DRG1: variants seen among roughly 807,000 people sequenced by gnomAD.
The protein encoded by DRG1 is developmentally regulated GTP binding protein 1.
A neutral mutation model predicts 38.8 loss-of-function variants in DRG1; 19 were observed. The observed-to-expected ratio is 0.49, with a 90% CI of 0.34 to 0.72. The LOEUF (loss-of-function observed/expected upper bound fraction) is 0.72, where lower values mean the gene tolerates loss of function less well. Among genes scored for constraint, DRG1 ranks in the 30% least tolerant of loss-of-function variants. The probability of loss-of-function intolerance (pLI) is 0.01; values close to 1 mark genes in which losing one functional copy is unlikely to be tolerated. For synonymous variants in DRG1, 167 were observed against 157.5 expected, an observed-to-expected ratio of 1.06 and a Z score of -0.45; for missense variants, 299 against 444.8, an observed-to-expected ratio of 0.67 and a Z score of 2.95.
chr22:31,430,724 C>T (rs1473563671), intron 8 of DRG1, among the ~76,000 whole-genome samples: 2 of 151,790 alleles, frequency 1.3e-5, no homozygotes, highest in African/African-American at 4.8e-5. Context: ...TTAGCCTTCC[C>T]ACTTAGTATT....
In DRG1 at chr22:31,426,740, A is replaced by G; in HGVS notation, c.839A>G (p.Asp280Gly). Residue 280 changes from aspartate (D) to glycine (G), a missense_variant, in exon 7 of 9, where the codon GAC becomes GGC. By Grantham distance (94) the Asp-to-Gly change is moderately conservative. Around this residue, in one of 3 missense-constraint regions of DRG1, gnomAD observed 198 missense variants for 268.1 expected, o/e 0.74. Transcript: ENST00000331457. ...GCCCATCACCGCTGGAATTTTGATG[A>G]CCTATTGGAAAAGATCTGGGACTAT... is the stretch of plus-strand genomic sequence containing the variant. Reference protein sequence around the residue: ...ISAHHRWNFDDLLEKIWDYLK... With the variant: ...ISAHHRWNFDGLLEKIWDYLK... 6.2e-7 allele frequency: 1 copy of G among 1,614,160 alleles called. No homozygotes were observed. Among genetic ancestry groups the G allele is most frequent in the Non-Finnish European group, 8.5e-7 (1 of 1,180,040 alleles).
At chr22:31,399,837 C>G in intron 1 of DRG1, 112 bp downstream of exon 1, 1 of 1,508,838 alleles carries the variant, frequency 6.6e-7, no homozygotes, top group East Asian at 2.3e-5. Context: ...GATTCCGCGA[C>G]TTCTCTCAGC....
intron 6 of DRG1, 23 bp downstream of exon 6, chr22:31,423,433 G>C (rs1333533459): frequency 1.9e-6 from 3 of 1,612,336 alleles, no homozygotes; most frequent in East Asian, 4.5e-5. Context: ...TGTGCAGTCT[G>C]TGCCTGACTG....
chr22:31,402,599 C>G (rs914909444), intron 2 of DRG1, among the ~76,000 whole-genome samples: 1 of 148,532 alleles, frequency 6.7e-6, no homozygotes, highest in South Asian at 2.1e-4. Context: ...GCCTCAACCT[C>G]CTGGGCTCAA....
chr22:31,424,087 C>T (rs2050094064), intron 6 of DRG1, among the ~76,000 whole-genome samples: 1 of 151,852 alleles, frequency 6.6e-6, no homozygotes, highest in South Asian at 2.1e-4. Context: ...TGGTTTCGAA[C>T]TCCTGACCTC....
Position 31,411,041 on chromosome 22 carries a change from T to G in DRG1, c.372T>G (p.Gly124=), listed in dbSNP as rs1207073541. Residue 124 remains glycine (G), a synonymous_variant, in exon 4 of 9, where the codon GGT becomes GGG. Coordinates refer to ENST00000331457, the MANE Select transcript of DRG1 (RefSeq NM_004147.4). ...QLLDLPGIIE[G]AKDGKGRGRQ... ...TGGATCTCCCAGGTATCATTGAAGG[T>G]GCCAAGGATGGGAAAGGTAGAGGTC... 1.9e-6 allele frequency: 3 copies of G among 1,613,832 alleles called. No individual in the cohort carries two copies. The highest frequency in any genetic ancestry group is 2.5e-6 in the Non-Finnish European group (3 of 1,179,916).
intron 4 of DRG1, among the ~76,000 whole-genome samples, chr22:31,416,131 A>G (rs2050043331): frequency 6.6e-6 from 1 of 152,092 alleles, no homozygotes; most frequent in East Asian, 1.9e-4. Flanking sequence ...TAACACGGCA[A>G]AACCCGATCT....
chr22:31,407,314 G>T (rs2049994204), intron 3 of DRG1, among the ~76,000 whole-genome samples: 1 of 151,922 alleles, frequency 6.6e-6, no homozygotes, highest in African/African-American at 2.4e-5. Context: ...TGTGGGTCTT[G>T]TCTGTAACAG....
intron 8 of DRG1, among the ~76,000 whole-genome samples, chr22:31,430,822 G>C (rs543068281): frequency 1.3e-5 from 2 of 151,888 alleles, no homozygotes; most frequent in Non-Finnish European, 2.9e-5. Flanking sequence ...AGGCTCAAGC[G>C]ATCCTCCTAC....
At chr22:31,405,010 T>G (rs2049981635) in intron 3 of DRG1, among the ~76,000 whole-genome samples, 1 of 152,166 alleles carries the variant, frequency 6.6e-6, no homozygotes, top group African/African-American at 2.4e-5. Context: ...TTTTATTGAA[T>G]GTTACTTATT....
chr22:31,414,902 C>T (rs559228008), intron 4 of DRG1, among the ~76,000 whole-genome samples: 1 of 151,634 alleles, frequency 6.6e-6, no homozygotes, highest in Non-Finnish European at 1.5e-5. Flanking sequence ...TTCTTAGCCT[C>T]TTGAGTAGCT....
intron 3 of DRG1, among the ~76,000 whole-genome samples, chr22:31,405,716 T>C (rs2049986309): frequency 6.6e-6 from 1 of 151,288 alleles, no homozygotes; most frequent in Non-Finnish European, 1.5e-5. Flanking sequence ...TGAGACGGAG[T>C]CTTACTCTGT....
In DRG1 at chr22:31,427,235, A is replaced by C. The variant is rs1451429644; in HGVS notation, c.1004+53A>C. 5.0e-6 allele frequency: 8 copies of C among 1,592,826 alleles called. No homozygotes were observed. In the Middle Eastern group the frequency reaches 5.3e-4, roughly 106 times the overall value. On this transcript the variant is annotated intron_variant, in intron 8 of 8. Transcript: ENST00000331457. ...CTTTTTCCTATGAGTTACCAATTTT[A>C]CTAACTAGTAATTCTTAGGATAGCA...
At chr22:31,419,168 T>C (rs992583455) in intron 4 of DRG1, among the ~76,000 whole-genome samples, 2 of 152,030 alleles carry the variant, frequency 1.3e-5, no homozygotes, top group African/African-American at 4.8e-5. Context: ...CCAGATACTG[T>C]GACTCATGCC....
At chr22:31,414,754 A>T (rs1243519019) in intron 4 of DRG1, among the ~76,000 whole-genome samples, 1 of 150,742 alleles carries the variant, frequency 6.6e-6, no homozygotes, top group East Asian at 1.9e-4. Flanking sequence ...TGAGTTAATC[A>T]TGCTTCTCAG....
intron 3 of DRG1, among the ~76,000 whole-genome samples, 195 bp from the exon 4 acceptor site, chr22:31,410,816 CA>C (rs201082892): frequency 0.016 from 2,053 of 128,434 alleles, 9 homozygotes; most frequent in Non-Finnish European, 0.021. Flanking sequence ...ACTCCATCTC[CA>C]AAAAAAAAAA....
chr22:31,430,481 G>A (rs1250093357), intron 8 of DRG1, among the ~76,000 whole-genome samples: 1 of 151,146 alleles, frequency 6.6e-6, no homozygotes. Flanking sequence ...CTCACTGCAA[G>A]CTCTGCTTCC....
intron 4 of DRG1, among the ~76,000 whole-genome samples, chr22:31,414,599 GTGT>G (rs1341782537): frequency 6.6e-6 from 1 of 151,754 alleles, no homozygotes; most frequent in Non-Finnish European, 1.5e-5. Flanking sequence ...CACATCTACT[GTGT>G]TGTTATATCC....
chr22:31,413,287 G>T (rs113210689), intron 4 of DRG1, among the ~76,000 whole-genome samples: 40 of 152,114 alleles, frequency 2.6e-4, no homozygotes, highest in Non-Finnish European at 5.1e-4. Context: ...TTTTGTAGGG[G>T]TCTTGCTCTG....
Sources: allele counts gnomAD v4.1 joint callset (sites outside exome capture counted in the v4.1 genomes callset), GRCh38; gene constraint gnomAD v4.1.1; regional missense constraint gnomAD v4.1.1; transcripts MANE v1.5; gene names NCBI Gene and HGNC (gene_info 2026-07-23, HGNC 2026-07-21).